The following MAP2K2 variants were observed in gnomAD, a reference collection of about 807,000 sequenced individuals.
MAP2K2 encodes dual specificity mitogen-activated protein kinase kinase 2.
Under a neutral mutation model 43.7 loss-of-function variants are expected in MAP2K2, and 24 were observed. The ratio of observed to expected loss-of-function variants is 0.55; its 90% CI spans 0.40 to 0.77. The LOEUF (loss-of-function observed/expected upper bound fraction) is 0.77, where lower values mean the gene tolerates loss of function less well. MAP2K2 is among the 30% of genes least tolerant of loss of function. The pLI is 0.00. For missense variants in MAP2K2, 470 were observed against 566.8 expected (o/e 0.83, Z 1.73); for synonymous variants, 244 against 239.7 (o/e 1.02, Z -0.17).
chr19:4,101,400 T>A lies in MAP2K2; in HGVS notation c.529-120A>T. 1 of 1,164,196 alleles carries A rather than the reference T, an allele frequency of 8.6e-7. No homozygotes were observed. The highest frequency in any genetic ancestry group is 1.3e-6 in the Non-Finnish European group (1 of 796,492). The allele number at this position is 1,164,196 out of a possible 1,614,324, so 72.1% of individuals were successfully genotyped here. On this transcript the variant is annotated intron_variant, in intron 4 of 10. Coordinates refer to ENST00000262948, the MANE Select transcript of MAP2K2 (RefSeq NM_030662.4). The surrounding 1 kb of genome is among the most constrained non-coding windows in gnomAD (Gnocchi z 6.3). ...GCGAGGGAGCTGCGGCAGGAACCATTTCAGGCTGTGAGGAGCTCGCTGGGG... is the reference window on the plus strand; with the variant it reads ...GCGAGGGAGCTGCGGCAGGAACCATATCAGGCTGTGAGGAGCTCGCTGGGG...
At chr19:4,090,779 C>A in intron 10 of MAP2K2, 71 bp from the exon 11 acceptor site, 1 of 1,018,944 alleles carries the variant, frequency 9.8e-7, no homozygotes, top group Non-Finnish European at 1.5e-6. Flanking sequence ...CAGCGTCTGC[C>A]CAGCCCTGGC....
intron 3 of MAP2K2, chr19:4,103,513 T>TGATGCTAGAGAGGGCGGGCTGGAG (rs2041044831): frequency 6.6e-6 from 1 of 151,502 alleles, no homozygotes; most frequent in Non-Finnish European, 1.5e-5. Flanking sequence ...AAAGTGGAAC[T>TGATGCTAGAGAGGGCGGGCTGGAG]GAGGCTAGAG....
intron 3 of MAP2K2, among the ~76,000 whole-genome samples, chr19:4,104,028 C>T (rs1329900201): frequency 6.6e-6 from 1 of 152,130 alleles, no homozygotes; most frequent in African/African-American, 2.4e-5. Flanking sequence ...CTTTGGGAGG[C>T]TGAGGCAGGC....
In MAP2K2 at chr19:4,101,180, A is replaced by C. The variant is rs372761383; in HGVS notation, c.581-37T>G. 15 of 1,292,874 alleles carry C rather than the reference A, an allele frequency of 1.2e-5. No individual in the cohort carries two copies. The East Asian group carries it at 1.9e-4, about 17-fold the overall frequency. 80.1% of individuals were successfully genotyped at this position (1,292,874 alleles called of 1,614,324 possible). A position where few individuals can be genotyped will look rare whatever the true frequency, so the allele number is the denominator to read the frequency against. Reference sequence around the variant, plus strand: ...AGGCTGCGGGTGAGGGGCGCCCAACAGTTGCCTGCCGGCCCCCGGGGCTCT... The same window carrying C: ...AGGCTGCGGGTGAGGGGCGCCCAACCGTTGCCTGCCGGCCCCCGGGGCTCT... On this transcript the variant is annotated intron_variant, in intron 5 of 10. Transcript: ENST00000262948. The surrounding 1 kb of genome is among the most constrained non-coding windows in gnomAD (Gnocchi z 6.3).
At chr19:4,092,185 G>A (rs939200194) in intron 10 of MAP2K2, among the ~76,000 whole-genome samples, 3 of 152,212 alleles carry the variant, frequency 2.0e-5, no homozygotes, top group African/African-American at 7.2e-5. Context: ...GCAGGCCAAG[G>A]TGCCTATCTT....
intron 3 of MAP2K2, among the ~76,000 whole-genome samples, chr19:4,109,806 C>T (rs929536114): frequency 6.6e-6 from 1 of 151,992 alleles, no homozygotes; most frequent in African/African-American, 2.4e-5. Context: ...TTGCATCTAC[C>T]CTGGAACCCA....
chr19:4,105,561 C>A (rs350906), intron 3 of MAP2K2, among the ~76,000 whole-genome samples: 2 of 151,720 alleles, frequency 1.3e-5, no homozygotes, highest in Non-Finnish European at 2.9e-5. Context: ...CTTGAGCCAC[C>A]GCACCCGGCA....
intron 3 of MAP2K2, among the ~76,000 whole-genome samples, chr19:4,109,987 G>C (rs1402686612): frequency 6.6e-6 from 1 of 152,146 alleles, no homozygotes; most frequent in Non-Finnish European, 1.5e-5. Flanking sequence ...GCAAAGCTGG[G>C]AGGAAGACAT....
At chr19:4,100,384 T>A (rs1288439535) in intron 6 of MAP2K2, 2 of 136,468 alleles carry the variant, frequency 1.5e-5, no homozygotes, top group African/African-American at 2.9e-5. Flanking sequence ...GAGCCAAGAT[T>A]GTGCCATTGC....
At chr19:4,117,073 A>T (rs1481364692) in intron 2 of MAP2K2, among the ~76,000 whole-genome samples, 1 of 152,210 alleles carries the variant, frequency 6.6e-6, no homozygotes, top group Non-Finnish European at 1.5e-5. Flanking sequence ...AGGCGCAAAC[A>T]CACACACGCT....
At chr19:4,097,197 A>AGG (rs2040930045) in intron 8 of MAP2K2, 82 bp downstream of exon 8, 4 of 984,408 alleles carry the variant, frequency 4.1e-6, no homozygotes, top group Non-Finnish European at 5.8e-6. Flanking sequence ...TCAGAGAGAG[A>AGG]CTCTGCCTAA....
At chr19:4,094,528 G>A in intron 9 of MAP2K2, 30 bp from the exon 10 acceptor site, 1 of 1,558,278 alleles carries the variant, frequency 6.4e-7, no homozygotes, top group Non-Finnish European at 8.7e-7. Flanking sequence ...GGACCGGGAG[G>A]CGGTGGAGGA....
At chr19:4,112,562 G>A (rs1446701037) in intron 2 of MAP2K2, among the ~76,000 whole-genome samples, 1 of 152,194 alleles carries the variant, frequency 6.6e-6, no homozygotes, top group Admixed American at 6.5e-5. Context: ...ACCTTGAGAA[G>A]CATGGCAGGG....
intron 10 of MAP2K2, 27 bp downstream of exon 10, chr19:4,094,426 G>C: frequency 6.4e-7 from 1 of 1,553,276 alleles, no homozygotes; most frequent in Non-Finnish European, 8.7e-7. Context: ...CACCCTCCCG[G>C]TCCCAGAACC....
intron 1 of MAP2K2, among the ~76,000 whole-genome samples, chr19:4,120,092 CAG>C (rs1328288678): frequency 1.3e-5 from 2 of 152,212 alleles, no homozygotes; most frequent in Admixed American, 6.5e-5. Context: ...AACAGACTCA[CAG>C]GGGTGGGGGA....
At chr19:4,094,804 C>G (rs890030557) in intron 9 of MAP2K2, 2 of 473,324 alleles carry the variant, frequency 4.2e-6, no homozygotes, top group East Asian at 7.1e-5. Flanking sequence ...TCTAATAAAA[C>G]CCCAGGCCCG....
intron 6 of MAP2K2, chr19:4,099,615 C>T (rs907690355): frequency 2.2e-5 from 13 of 598,558 alleles, no homozygotes; most frequent in South Asian, 1.2e-4. Flanking sequence ...GCTTCCAGCC[C>T]GAGGCCTGGA....
intron 3 of MAP2K2, among the ~76,000 whole-genome samples, chr19:4,110,155 T>C (rs1053611774): frequency 6.6e-6 from 1 of 151,906 alleles, no homozygotes; most frequent in African/African-American, 2.4e-5. Flanking sequence ...AATACAAAAA[T>C]TAGCCAGGAG....
chr19:4,110,471 G>A (rs2145069331), intron 3 of MAP2K2, 38 bp downstream of exon 3: 2 of 1,609,776 alleles, frequency 1.2e-6, no homozygotes, highest in Non-Finnish European at 1.7e-6. Flanking sequence ...TCTGTTCCGT[G>A]GAGGCCCTGC....
Sources: allele counts gnomAD v4.1 joint callset (sites outside exome capture counted in the v4.1 genomes callset), GRCh38; gene constraint gnomAD v4.1.1; non-coding constraint Gnocchi (gnomAD v3.1); transcripts MANE v1.5; gene names NCBI Gene and HGNC (gene_info 2026-07-23, HGNC 2026-07-21).